Variants in TMEM101 observed in about 807,000 individuals in gnomAD.
TMEM101 encodes putative NF-kappa-B-activating protein 130.
A neutral mutation model predicts 26.0 loss-of-function variants in TMEM101; 14 were observed. The ratio of observed to expected loss-of-function variants is 0.54; its 90% CI spans 0.36 to 0.84. The LOEUF is 0.84. Among genes scored for constraint, TMEM101 ranks in the 40% least tolerant of loss-of-function variants. The pLI is 0.01. For synonymous variants in TMEM101, 152 were observed against 145.1 expected, an observed-to-expected ratio of 1.05 and a Z score of -0.34; for missense variants, 292 against 345.1, an observed-to-expected ratio of 0.85 and a Z score of 1.22.
chr17:44,020,058 A>G (rs2049272117), intron 2 of TMEM101, among the ~76,000 whole-genome samples: 1 of 152,188 alleles, frequency 6.6e-6, no homozygotes, highest in Admixed American at 6.5e-5. Flanking sequence ...TGTAAGCTGA[A>G]TGTTTGAATT....
chr17:44,019,422 ATCTAGGACCCTAGC>A, upstream of TMEM101: 1 of 296,168 alleles, frequency 3.4e-6, no homozygotes, highest in Non-Finnish European at 6.6e-6. Context: ...CTTCGGCACA[ATCTAGGACCCTAGC>A]TCTTTTGTAA....
In TMEM101 at chr17:44,014,412, A is replaced by G; in HGVS notation, c.263T>C (p.Ile88Thr). Residue 88 changes from isoleucine to threonine, a missense_variant, in exon 2 of 4, where the codon ATT becomes ACT. Coordinates refer to ENST00000206380, the MANE Select transcript of TMEM101 (RefSeq NM_032376.4). ...FALGAALQLA[I>T]STYAAYIGGY... is the part of the protein sequence containing the mutation. ...CCCGATGTAGGCGGCGTAGGTGCTA[A>G]TGGCCAATTGGAGTGCGGCCCCCAG... The G allele has an allele frequency of 6.4e-7, 1 of 1,556,260 alleles. No homozygotes were observed. Among genetic ancestry groups the G allele is most frequent in the Non-Finnish European group, 8.7e-7 (1 of 1,149,488 alleles).
At chr17:44,012,817 G>A in intron 3 of TMEM101, 192 bp downstream of exon 3, 2 of 493,184 alleles carry the variant, frequency 4.1e-6, no homozygotes, top group Non-Finnish European at 6.8e-6. Context: ...ACTGTTGGAG[G>A]AAGGGCCTCT....
intron 2 of TMEM101, 99 bp from the exon 3 acceptor site, chr17:44,013,254 C>A: frequency 8.3e-7 from 1 of 1,204,844 alleles, no homozygotes; most frequent in South Asian, 2.6e-5. Context: ...CATCCCATTC[C>A]ATCTGATGAA....
At chr17:44,013,207 C>T (rs1166630077) in intron 2 of TMEM101, 52 bp from the exon 3 acceptor site, 3 of 1,477,722 alleles carry the variant, frequency 2.0e-6, no homozygotes, top group Non-Finnish European at 2.7e-6. Context: ...CCACATCTCT[C>T]CTGGCTTCCC....
At chr17:44,015,221 G>C (rs1330766978), upstream of TMEM101, 3 of 337,042 alleles carry the variant, frequency 8.9e-6, no homozygotes, top group East Asian at 5.9e-5. Context: ...GTCTTGGACC[G>C]TAGTATGATG....
At chr17:44,017,601 A>C (rs1369348812), upstream of TMEM101, among the ~76,000 whole-genome samples, 2 of 150,162 alleles carry the variant, frequency 1.3e-5, no homozygotes, top group Admixed American at 1.3e-4. Flanking sequence ...CTCAAAAAAA[A>C]AAAAAAAAAA....
At chr17:44,014,307 T>C in intron 2 of TMEM101, 50 bp downstream of exon 2, 1 of 1,526,470 alleles carries the variant, frequency 6.6e-7, no homozygotes, top group Non-Finnish European at 8.9e-7. Context: ...CATTGGCCTC[T>C]GATTCCCCGT....
At chr17:44,019,254 C>T, upstream of TMEM101, 2 of 398,178 alleles carry the variant, frequency 5.0e-6, no homozygotes, top group Non-Finnish European at 5.0e-6. Flanking sequence ...ATGGAGGATT[C>T]ACCACCAGAC....
intron 3 of TMEM101, 157 bp from the exon 4 acceptor site, chr17:44,012,393 C>T (rs1329404728): frequency 1.5e-6 from 1 of 680,098 alleles, no homozygotes; most frequent in Non-Finnish European, 2.4e-6. Flanking sequence ...CTTTGTCTCC[C>T]CCTCGGACTA....
chr17:44,015,635 C>T (rs191146786), upstream of TMEM101, among the ~76,000 whole-genome samples: 2 of 152,226 alleles, frequency 1.3e-5, no homozygotes, highest in African/African-American at 4.8e-5. Flanking sequence ...CTTCGTGATC[C>T]GCCCGCCTCG....
At chr17:44,020,708 A>C (rs2049277185) in intron 2 of TMEM101, among the ~76,000 whole-genome samples, 1 of 152,178 alleles carries the variant, frequency 6.6e-6, no homozygotes, top group Admixed American at 6.5e-5. Context: ...GGCGACAGAG[A>C]GACACTCTGG....
At chr17:44,012,687 C>G (rs1417736787) in intron 3 of TMEM101, 5 of 414,558 alleles carry the variant, frequency 1.2e-5, no homozygotes, top group African/African-American at 2.0e-5. Context: ...CTGACCCCCA[C>G]CAAACCTCTC....
At chr17:44,016,614 T>C (rs1281818356), upstream of TMEM101, among the ~76,000 whole-genome samples, 4 of 152,182 alleles carry the variant, frequency 2.6e-5, no homozygotes, top group South Asian at 2.1e-4. Context: ...AAACCCATCA[T>C]AGGTTGAAAA....
Position 44,013,167 on chromosome 17 carries a change from TA to T in TMEM101, c.319-13del, listed in dbSNP as rs1478888505. On this transcript the variant is annotated splice_polypyrimidine_tract_variant and intron_variant, in intron 2 of 3. Transcript: ENST00000206380. ...GAGTACATACGGACCTAGGCCGGGG[TA>T]AGGGGACCCCAGTCAAGAACTGCAG... The T allele has an allele frequency of 6.5e-7, 1 of 1,536,448 alleles. No individual in the cohort carries two copies. Among genetic ancestry groups the T allele is most frequent in the Non-Finnish European group, 8.9e-7 (1 of 1,129,744 alleles).
chr17:44,021,201 AG>A (rs1001629646), intron 2 of TMEM101: 2 of 152,184 alleles, frequency 1.3e-5, no homozygotes, highest in Non-Finnish European at 2.9e-5. Flanking sequence ...GTTGTTGACA[AG>A]ATACCACTAA....
chr17:44,011,325 C>T lies in TMEM101; in HGVS notation c.*603G>A, dbSNP rs2049154819. On this transcript the variant is annotated 3_prime_UTR_variant, in exon 4 of 4. Transcript: ENST00000206380. Reference sequence around the variant, plus strand: ...AAGCTGGCCACTGCCTGCTCCACCCCTTCACAGCCCAGAGCAGAACAGGGT... The same window carrying T: ...AAGCTGGCCACTGCCTGCTCCACCCTTTCACAGCCCAGAGCAGAACAGGGT... The T allele has an allele frequency of 6.6e-6, 1 of 152,476 alleles. No homozygotes were observed. The highest frequency in any genetic ancestry group is 1.5e-5 in the Non-Finnish European group (1 of 68,252). 9.4% of individuals were successfully genotyped at this position (152,476 alleles called of 1,614,324 possible).
chr17:44,020,658 G>A (rs1314534230), intron 2 of TMEM101, among the ~76,000 whole-genome samples: 2 of 152,182 alleles, frequency 1.3e-5, no homozygotes, highest in Non-Finnish European at 2.9e-5. Flanking sequence ...GGAGGCAGAG[G>A]TTGCACTGAG....
chr17:44,019,558 T>C (rs1567949183), upstream of TMEM101: 1 of 163,828 alleles, frequency 6.1e-6, no homozygotes, highest in Non-Finnish European at 1.3e-5. Context: ...ATAACTAACA[T>C]ATAGGAATAG....
Sources: allele counts gnomAD v4.1 joint callset (sites outside exome capture counted in the v4.1 genomes callset), GRCh38; gene constraint gnomAD v4.1.1; transcripts MANE v1.5; gene names NCBI Gene and HGNC (gene_info 2026-07-23, HGNC 2026-07-21).